The following GDPD5 variants were observed in gnomAD, a reference collection of about 807,000 sequenced individuals.
The protein encoded by GDPD5 is glycerophosphodiester phosphodiesterase 2.
In GDPD5, 48 loss-of-function variants were observed where a neutral mutation model predicts 75.1. The observed-to-expected ratio is 0.64, with a 90% CI of 0.51 to 0.81. GDPD5 has a LOEUF of 0.81. GDPD5 is among the 40% of genes least tolerant of loss of function. The pLI is 0.00. For synonymous variants in GDPD5, 336 were observed against 339.0 expected, an observed-to-expected ratio of 0.99 and a Z score of 0.10; for missense variants, 706 against 822.6, an observed-to-expected ratio of 0.86 and a Z score of 1.73.
intron 1 of GDPD5, among the ~76,000 whole-genome samples, chr11:75,493,227 T>TCACA (rs780201140): frequency 0.011 from 703 of 63,268 alleles, 1 homozygote; most frequent in Non-Finnish European, 0.02. Context: ...CCCCCACACA[T>TCACA]CTCACACACA....
chr11:75,441,035 C>T (rs1483522728), intron 14 of GDPD5, 128 bp downstream of exon 14: 7 of 910,008 alleles, frequency 7.7e-6, no homozygotes, highest in African/African-American at 1.6e-5. Context: ...TGCACGCCCA[C>T]CATGGACTCC....
chr11:75,505,381 G>A (rs1293120295), intron 1 of GDPD5, among the ~76,000 whole-genome samples: 2 of 150,992 alleles, frequency 1.3e-5, no homozygotes, highest in African/African-American at 2.4e-5. Flanking sequence ...TAAAAGCAGT[G>A]CCCCAGAGGA....
At position 75,449,954 on chromosome 11, in the gene GDPD5, C is replaced by T. The variant is rs138069475; in HGVS notation, c.405G>A (p.Thr135=). The T allele has an allele frequency of 1.5e-5, 25 of 1,613,690 alleles. No homozygotes were observed. The African/African-American group carries it at 1.6e-4, about 10-fold the overall frequency. ...GGGCCACGGCCGACATGGCCACCAC[C>T]GTGGAAGCCAGGATGACCACCAGCC... ...KIGLVVILAS[T]VVAMSAVAQL... Residue 135 remains threonine (T), a synonymous_variant, in exon 7 of 17, where the codon ACG becomes ACA. Transcript: ENST00000336898.
In GDPD5 at chr11:75,457,751, C is replaced by T. The variant is rs1290264964; in HGVS notation, c.257G>A (p.Trp86Ter). The T allele has an allele frequency of 1.2e-6, 2 of 1,613,984 alleles. No individual in the cohort carries two copies. The highest frequency in any genetic ancestry group is 1.3e-5 in the African/African-American group (1 of 74,924). Reference sequence around the variant, plus strand: ...TGTGGTCACAAGGATGGGTACGGGCCAGTCGCTCCAGTAGCCCATGCGGTT... The same window carrying T: ...TGTGGTCACAAGGATGGGTACGGGCTAGTCGCTCCAGTAGCCCATGCGGTT... ...LYNRMGYWSD[W>*]PVPILVTTAA... The change falls in exon 5 of 17, where the codon TGG becomes TAG. Residue 86 changes from tryptophan (W) to a stop codon, truncating the protein, a stop_gained. Coordinates refer to ENST00000336898, the MANE Select transcript of GDPD5 (RefSeq NM_030792.8). LOFTEE classifies it high-confidence loss of function.
At chr11:75,465,319 C>G (rs1949493441) in intron 3 of GDPD5, among the ~76,000 whole-genome samples, 1 of 152,224 alleles carries the variant, frequency 6.6e-6, no homozygotes, top group South Asian at 2.1e-4. Flanking sequence ...AGAAAGCAAC[C>G]TTTCTCTGCT....
chr11:75,522,105 C>T (rs1193225020), intron 1 of GDPD5, among the ~76,000 whole-genome samples: 1 of 152,114 alleles, frequency 6.6e-6, no homozygotes, highest in Non-Finnish European at 1.5e-5. Flanking sequence ...CGGCTTACCA[C>T]GCTATCCCAC....
chr11:75,461,409 A>G (rs969466164), intron 4 of GDPD5, among the ~76,000 whole-genome samples: 1 of 152,154 alleles, frequency 6.6e-6, no homozygotes, highest in African/African-American at 2.4e-5. Flanking sequence ...CAGGGGTGGG[A>G]CCGCAGCATA....
intron 3 of GDPD5, among the ~76,000 whole-genome samples, chr11:75,471,372 GC>G (rs1949661335): frequency 6.6e-6 from 1 of 152,224 alleles, no homozygotes; most frequent in South Asian, 2.1e-4. Context: ...GCTCCTGACA[GC>G]CTAAGAGGCT....
intron 1 of GDPD5, among the ~76,000 whole-genome samples, chr11:75,519,666 A>G (rs2135512248): frequency 6.6e-6 from 1 of 152,332 alleles, no homozygotes; most frequent in Non-Finnish European, 1.5e-5. Flanking sequence ...TGGGGAAACT[A>G]AAGCCCAAAG....
intron 1 of GDPD5, among the ~76,000 whole-genome samples, chr11:75,497,396 A>G (rs181503180): frequency 6.6e-6 from 1 of 152,262 alleles, no homozygotes; most frequent in East Asian, 1.9e-4. Flanking sequence ...TGGACCCACC[A>G]CAGGCAGCAG....
At chr11:75,495,411 G>C (rs985531160) in intron 1 of GDPD5, among the ~76,000 whole-genome samples, 2 of 151,960 alleles carry the variant, frequency 1.3e-5, no homozygotes, top group African/African-American at 4.8e-5. Flanking sequence ...GTTGCAGTGA[G>C]CTGAGATCGT....
chr11:75,514,830 G>T (rs1040976083), intron 1 of GDPD5, among the ~76,000 whole-genome samples: 2 of 152,228 alleles, frequency 1.3e-5, no homozygotes, highest in African/African-American at 4.8e-5. Context: ...TACAGAGAAG[G>T]GGGGCATGAT....
At chr11:75,483,074 C>T (rs1255937586) in intron 2 of GDPD5, among the ~76,000 whole-genome samples, 5 of 152,168 alleles carry the variant, frequency 3.3e-5, no homozygotes, top group Admixed American at 3.3e-4. Flanking sequence ...ATCCCCTCCC[C>T]TCCCCTTCCT....
At chr11:75,452,243 C>T (rs1377569814) in intron 6 of GDPD5, 1 of 152,218 alleles carries the variant, frequency 6.6e-6, no homozygotes, top group Non-Finnish European at 1.5e-5. Context: ...AAGAGCCTCA[C>T]TTGAATCACG....
At chr11:75,500,562 C>T (rs771804328) in intron 1 of GDPD5, among the ~76,000 whole-genome samples, 1 of 152,126 alleles carries the variant, frequency 6.6e-6, no homozygotes, top group Non-Finnish European at 1.5e-5. Flanking sequence ...CCCTCCCTTG[C>T]CCATCACATC....
intron 1 of GDPD5, among the ~76,000 whole-genome samples, chr11:75,521,570 A>T (rs564013491): frequency 2.2e-4 from 33 of 152,324 alleles, no homozygotes; most frequent in African/African-American, 7.7e-4. Context: ...GCTGTTGTTG[A>T]TATCATCACT....
chr11:75,463,118 C>A (rs2135299024), intron 3 of GDPD5, among the ~76,000 whole-genome samples: 1 of 152,338 alleles, frequency 6.6e-6, no homozygotes, highest in African/African-American at 2.4e-5. Context: ...CAGTCAGGGC[C>A]TCCCCCCCTG....
intron 14 of GDPD5, among the ~76,000 whole-genome samples, chr11:75,440,479 A>G (rs1948760543): frequency 6.6e-6 from 1 of 152,224 alleles, no homozygotes; most frequent in African/African-American, 2.4e-5. Flanking sequence ...CAGTGGAGCC[A>G]CCACCTATCT....
intron 1 of GDPD5, among the ~76,000 whole-genome samples, chr11:75,522,099 T>C (rs896303905): frequency 6.6e-6 from 1 of 152,098 alleles, no homozygotes; most frequent in African/African-American, 2.4e-5. Flanking sequence ...ACCTCTCGGC[T>C]TACCACGCTA....
Sources: gnomAD v4.1 joint callset for allele counts (sites outside exome capture counted in the v4.1 genomes callset) on GRCh38, gnomAD v4.1.1 for gene constraint, MANE v1.5 for transcripts, NCBI Gene and HGNC (gene_info 2026-07-23, HGNC 2026-07-21) for gene names.